Variants in DMD observed in about 807,000 individuals in gnomAD.
DMD encodes mutant dystrophin.
A neutral mutation model predicts 330.1 loss-of-function variants in DMD; 63 were observed. The ratio of observed to expected loss-of-function variants is 0.19; its 90% confidence interval spans 0.16 to 0.24. DMD has a LOEUF of 0.24. DMD is among the 10% of genes least tolerant of loss of function. DMD has a pLI of 1.00. For synonymous variants in DMD, 1,223 were observed against 959.8 expected (o/e 1.27, Z -5.07); for missense variants, 3,344 against 2,684.1 (o/e 1.25, Z -5.43).
intron 55 of DMD, among the ~76,000 whole-genome samples, chrX:31,539,682 A>C (rs149217798): frequency 2.5e-3 from 275 of 112,232 alleles, no homozygotes; most frequent in Middle Eastern, 4.6e-3. Flanking sequence ...AGGAACAACG[A>C]AGAGATCATC....
chrX:33,073,352 C>T (rs1013364078), intron 1 of DMD, among the ~76,000 whole-genome samples: 16 of 112,056 alleles, frequency 1.4e-4, no homozygotes, highest in Non-Finnish European at 3.0e-4. Context: ...ACATTTTTCT[C>T]TGTCCTGTAC....
intron 43 of DMD, among the ~76,000 whole-genome samples, chrX:32,241,536 A>G (rs768713623): frequency 8.9e-6 from 1 of 112,279 alleles, no homozygotes; most frequent in South Asian, 3.7e-4. Flanking sequence ...CTCCAGTTCC[A>G]CACCTTGCTT....
chrX:31,121,951 A>AAGAC, intron 78 of DMD, 21 bp from the exon 79 acceptor site: 1 of 1,116,751 alleles, frequency 9.0e-7, no homozygotes, highest in Non-Finnish European at 1.2e-6. Flanking sequence ...AAGAGAAAGA[A>AAGAC]AGACAGACTT....
chrX:31,951,492 G>A (rs1216249828), intron 45 of DMD, among the ~76,000 whole-genome samples: 2 of 108,456 alleles, frequency 1.8e-5, no homozygotes, highest in Non-Finnish European at 3.8e-5. Flanking sequence ...GCACTGTCTT[G>A]TTAGTTATTT....
chrX:31,169,721 C>CT (rs367605612), intron 73 of DMD, 120 bp from the exon 74 acceptor site: 2 of 672,343 alleles, frequency 3.0e-6, no homozygotes, highest in East Asian at 3.5e-5. Context: ...TTAATTAGAC[C>CT]TTTTTTCCTG....
rs768902949 is a variant in DMD at position 31,339,036 on chromosome X, C to A, written c.9163+9520G>T. On this transcript the variant is annotated intron_variant, in intron 61 of 78. Transcript: ENST00000357033. ...TCTTCCCACTATGCCTGATTTCAAG[C>A]TACCAAAGGTAGGCTTAATAACTAG... Among the ~76,000 whole-genome samples, 60 of 109,573 alleles carry A rather than the reference C, an allele frequency of 5.5e-4. 1 individual carries two copies. The highest frequency in any genetic ancestry group is 1.9e-3 in the African/African-American group (58 of 30,052).
chrX:31,237,974 C>A (rs1218245336), intron 63 of DMD, among the ~76,000 whole-genome samples: 1 of 112,043 alleles, frequency 8.9e-6, no homozygotes, highest in African/African-American at 3.2e-5. Context: ...CCTGCCTTGG[C>A]CTCCCAAAGT....
intron 30 of DMD, among the ~76,000 whole-genome samples, chrX:32,399,739 C>G (rs1057371768): frequency 9.0e-6 from 1 of 111,247 alleles, no homozygotes; most frequent in East Asian, 2.8e-4. Context: ...GTGTATATAC[C>G]CAAAAGAAAG....
At chrX:31,252,268 T>G (rs1011327354) in intron 63 of DMD, among the ~76,000 whole-genome samples, 3 of 112,349 alleles carry the variant, frequency 2.7e-5, no homozygotes, top group Non-Finnish European at 5.6e-5. Flanking sequence ...AAATCTCCTG[T>G]GCTAATTTTG....
chrX:32,186,791 G>A (rs770153650), intron 44 of DMD, among the ~76,000 whole-genome samples: 2 of 111,016 alleles, frequency 1.8e-5, no homozygotes, highest in Admixed American at 9.7e-5. Context: ...TAAATATAGC[G>A]ATTGAAAATG....
intron 7 of DMD, among the ~76,000 whole-genome samples, chrX:32,783,984 T>C (rs1208413050): frequency 2.6e-5 from 2 of 76,187 alleles, no homozygotes; most frequent in East Asian, 9.6e-4. Flanking sequence ...AGTGCAGACA[T>C]GGTTGATTCA....
At chrX:31,912,043 C>T (rs906278047) in intron 47 of DMD, among the ~76,000 whole-genome samples, 3 of 111,232 alleles carry the variant, frequency 2.7e-5, no homozygotes, top group Non-Finnish European at 5.7e-5. Context: ...GGATTTTAAA[C>T]GACAACTGGC....
chrX:31,488,326 T>G (rs761089453), intron 57 of DMD, among the ~76,000 whole-genome samples: 4 of 112,331 alleles, frequency 3.6e-5, no homozygotes, highest in African/African-American at 1.3e-4. Context: ...TTCTGAAATG[T>G]TAGTAGAAAT....
At chrX:33,053,318 G>A (rs529120398) in intron 1 of DMD, among the ~76,000 whole-genome samples, 1 of 111,419 alleles carries the variant, frequency 9.0e-6, no homozygotes, top group African/African-American at 3.3e-5. Context: ...ACTGTGGGCC[G>A]GGCGCGGTGG....
chrX:32,858,503 T>C (rs1018816926), intron 2 of DMD, among the ~76,000 whole-genome samples: 1 of 111,124 alleles, frequency 9.0e-6, no homozygotes, highest in African/African-American at 3.3e-5. Context: ...CTCAGTTTTG[T>C]ATTTTTAGTA....
At chrX:32,814,528 T>C (rs1418204660) in intron 6 of DMD, among the ~76,000 whole-genome samples, 1 of 111,984 alleles carries the variant, frequency 8.9e-6, no homozygotes, top group Non-Finnish European at 1.9e-5. Flanking sequence ...AATATGAACA[T>C]CTGCCAAATA....
chrX:33,238,453 G>C (rs946004165), intron 1 of DMD, among the ~76,000 whole-genome samples: 1 of 111,383 alleles, frequency 9.0e-6, no homozygotes, highest in Non-Finnish European at 1.9e-5. Flanking sequence ...GATTCATTTT[G>C]CATATCTTGT....
intron 9 of DMD, among the ~76,000 whole-genome samples, chrX:32,686,611 C>CT (rs1340208574): frequency 2.0e-5 from 2 of 101,224 alleles, no homozygotes; most frequent in African/African-American, 7.4e-5. Flanking sequence ...AGAAATGTAT[C>CT]TAAGTTTTCA....
intron 34 of DMD, among the ~76,000 whole-genome samples, chrX:32,370,264 A>G (rs1352656022): frequency 5.6e-5 from 6 of 106,901 alleles, no homozygotes; most frequent in African/African-American, 1.4e-4. Flanking sequence ...AATCATATCA[A>G]TGGTGCATCA....
Sources: allele counts gnomAD v4.1 joint callset (sites outside exome capture counted in the v4.1 genomes callset), GRCh38; gene constraint gnomAD v4.1.1; transcripts MANE v1.5; gene names NCBI Gene and HGNC (gene_info 2026-07-23, HGNC 2026-07-21).